TPTE: variants seen among roughly 807,000 people sequenced by gnomAD.
The protein encoded by TPTE is putative tyrosine-protein phosphatase TPTE.
TPTE carries 59 observed loss-of-function variants against 84.1 expected under a neutral mutation model. The observed-to-expected ratio is 0.70, with a 90% CI of 0.57 to 0.87. TPTE has a LOEUF of 0.87. Ranked by LOEUF, TPTE falls within the 40% of genes least tolerant of loss-of-function variation. The pLI, the probability that TPTE is intolerant of heterozygous loss-of-function variation, is 0.00. For synonymous variants in TPTE, 130 were observed against 223.5 expected (o/e 0.58, Z 3.73); for missense variants, 382 against 659.6 (o/e 0.58, Z 4.61).
At chr21:10,580,377 C>A (rs370195497) in intron 17 of TPTE, among the ~76,000 whole-genome samples, 4,674 of 138,588 alleles carry the variant, frequency 0.034, no homozygotes, top group East Asian at 0.11. Flanking sequence ...CATTTGTCTA[C>A]TTTTTCTTTC....
At chr21:10,564,193 A>G (rs889059197) in intron 10 of TPTE, among the ~76,000 whole-genome samples, 1 of 152,308 alleles carries the variant, frequency 6.6e-6, no homozygotes, top group Non-Finnish European at 1.5e-5. Context: ...TCTGTTGCCT[A>G]CAGGAAACAC....
At chr21:10,593,158 C>A (rs1316671032) in intron 19 of TPTE, among the ~76,000 whole-genome samples, 1 of 152,308 alleles carries the variant, frequency 6.6e-6, no homozygotes, top group African/African-American at 2.4e-5. Context: ...CCCCCAACCC[C>A]ACTCTCCACT....
At chr21:10,605,387 T>C (rs1290736996) in intron 23 of TPTE, 30 bp from the exon 24 acceptor site, 2 of 1,609,620 alleles carry the variant, frequency 1.2e-6, no homozygotes, top group East Asian at 4.5e-5. Flanking sequence ...AGCCCCAATA[T>C]AAAATGTAAT....
intron 3 of TPTE, among the ~76,000 whole-genome samples, chr21:10,531,978 A>C (rs1232138762): frequency 2.3e-4 from 35 of 152,294 alleles, no homozygotes; most frequent in Non-Finnish European, 3.5e-4. Context: ...ACATAGGTTT[A>C]TCTCTGAGCT....
At chr21:10,554,253 A>G (rs1283283441) in intron 8 of TPTE, among the ~76,000 whole-genome samples, 4 of 152,310 alleles carry the variant, frequency 2.6e-5, no homozygotes, top group Non-Finnish European at 4.4e-5. Context: ...TTGCTGAACA[A>G]TTCAGTTTTT....
chr21:10,548,268 A>AC (rs2074507117), intron 7 of TPTE, among the ~76,000 whole-genome samples: 1 of 152,296 alleles, frequency 6.6e-6, no homozygotes, highest in African/African-American at 2.4e-5. Context: ...CCTTTAGGCC[A>AC]CCCCACACAG....
At chr21:10,529,104 A>G in intron 3 of TPTE, among the ~76,000 whole-genome samples, 1 of 152,310 alleles carries the variant, frequency 6.6e-6, no homozygotes, top group Non-Finnish European at 1.5e-5. Flanking sequence ...GGATCACTTG[A>G]ATCCGGGAAG....
chr21:10,541,782 A>C (rs113016070), intron 5 of TPTE, among the ~76,000 whole-genome samples: 3 of 152,424 alleles, frequency 2.0e-5, no homozygotes, highest in Admixed American at 2.0e-4. Flanking sequence ...GGCCCAGGGA[A>C]GAGAGAATCC....
chr21:10,602,470 G>T (rs1568796692), intron 22 of TPTE, among the ~76,000 whole-genome samples: 2 of 152,242 alleles, frequency 1.3e-5, no homozygotes, highest in Admixed American at 1.3e-4. Flanking sequence ...GCATAGCATT[G>T]ATTACATTTT....
chr21:10,551,301 G>A (rs1356951774), intron 7 of TPTE, among the ~76,000 whole-genome samples: 2 of 144,366 alleles, frequency 1.4e-5, no homozygotes, highest in East Asian at 4.7e-4. Context: ...TAGGGGGAGG[G>A]GGGAGGGATA....
intron 7 of TPTE, among the ~76,000 whole-genome samples, chr21:10,549,071 A>G (rs2074524748): frequency 6.6e-6 from 1 of 152,310 alleles, no homozygotes; most frequent in Admixed American, 6.5e-5. Flanking sequence ...ATCACTACAA[A>G]CTTCCTTAAC....
At chr21:10,599,574 C>G (rs909947433) in intron 21 of TPTE, among the ~76,000 whole-genome samples, 1 of 152,310 alleles carries the variant, frequency 6.6e-6, no homozygotes, top group African/African-American at 2.4e-5. Context: ...CTATAAATCA[C>G]TAAATAAGTG....
chr21:10,581,723 A>G (rs11911929), intron 17 of TPTE, among the ~76,000 whole-genome samples: 357 of 151,180 alleles, frequency 2.4e-3, no homozygotes, highest in African/African-American at 8.6e-3. Flanking sequence ...TTTGTTGTAC[A>G]AAAGTTTGTA....
chr21:10,557,874 A>G (rs568534868), intron 8 of TPTE, among the ~76,000 whole-genome samples: 1 of 152,310 alleles, frequency 6.6e-6, no homozygotes, highest in Non-Finnish European at 1.5e-5. Context: ...TCAGTACCCA[A>G]ATAGTTATCT....
intron 4 of TPTE, 89 bp downstream of exon 4, chr21:10,538,823 C>G: frequency 6.2e-7 from 1 of 1,606,212 alleles, no homozygotes; most frequent in Non-Finnish European, 8.5e-7. Context: ...CAAATATATC[C>G]ATCCATCCAT....
At chr21:10,559,654 A>G (rs1224607750) in intron 9 of TPTE, 110 bp downstream of exon 9, 1 of 1,570,232 alleles carries the variant, frequency 6.4e-7, no homozygotes, top group Non-Finnish European at 8.7e-7. Context: ...CGGGCGGATC[A>G]CATGAAGTCA....
At chr21:10,573,037 T>TA (rs1303968395) in intron 14 of TPTE, among the ~76,000 whole-genome samples, 4 of 151,080 alleles carry the variant, frequency 2.6e-5, no homozygotes, top group Non-Finnish European at 4.4e-5. Flanking sequence ...AATTAAAAGA[T>TA]ATAGAGTTGG....
intron 21 of TPTE, among the ~76,000 whole-genome samples, chr21:10,600,131 TTTC>T (rs1386482594): frequency 5.6e-4 from 83 of 148,414 alleles, no homozygotes; most frequent in East Asian, 2.0e-4. Flanking sequence ...TTCCAATTTT[TTTC>T]TTTTTCTTTT....
intron 17 of TPTE, among the ~76,000 whole-genome samples, chr21:10,587,520 G>T (rs1253047450): frequency 6.6e-6 from 1 of 151,886 alleles, no homozygotes; most frequent in Non-Finnish European, 1.5e-5. Flanking sequence ...ACTTCCAGCT[G>T]CATCCATGAT....
Sources: allele counts gnomAD v4.1 joint callset (sites outside exome capture counted in the v4.1 genomes callset), GRCh38; gene constraint gnomAD v4.1.1; transcripts MANE v1.5; gene names NCBI Gene and HGNC (gene_info 2026-07-23, HGNC 2026-07-21).